The following PHACTR1 variants were observed in gnomAD, a reference collection of about 807,000 sequenced individuals.
PHACTR1 encodes the protein phosphatase and actin regulator 1.
PHACTR1 carries 16 observed loss-of-function variants against 69.2 expected under a neutral mutation model. The ratio of observed to expected loss-of-function variants is 0.23; its 90% CI spans 0.16 to 0.35. The LOEUF (loss-of-function observed/expected upper bound fraction) is 0.35, where lower values mean the gene tolerates loss of function less well. PHACTR1 is among the 10% of genes least tolerant of loss of function. PHACTR1 has a pLI of 1.00. For synonymous variants in PHACTR1, 312 were observed against 284.5 expected (o/e 1.10, Z -0.97); for missense variants, 510 against 734.7 (o/e 0.69, Z 3.54).
chr6:13,233,256 C>T (rs1218115950), intron 10 of PHACTR1, among the ~76,000 whole-genome samples: 2 of 152,190 alleles, frequency 1.3e-5, no homozygotes, highest in African/African-American at 4.8e-5. Context: ...AGACATAAAC[C>T]GTCCATGCCC....
chr6:12,905,086 G>A (rs549166632), intron 4 of PHACTR1, among the ~76,000 whole-genome samples: 1 of 152,220 alleles, frequency 6.6e-6, no homozygotes, highest in South Asian at 2.1e-4. Flanking sequence ...ATCACCTGGG[G>A]AACTTTTGAA....
chr6:13,114,428 C>A (rs192259835), intron 5 of PHACTR1, among the ~76,000 whole-genome samples: 1 of 152,084 alleles, frequency 6.6e-6, no homozygotes, highest in African/African-American at 2.4e-5. Flanking sequence ...TCTGCAGCAT[C>A]GAGTCAACCC....
At chr6:12,947,442 A>C (rs2127549097) in intron 4 of PHACTR1, among the ~76,000 whole-genome samples, 1 of 152,320 alleles carries the variant, frequency 6.6e-6, no homozygotes, top group East Asian at 1.9e-4. Flanking sequence ...ATGAGAAATA[A>C]AGAAGACATG....
At chr6:13,095,334 T>TA (rs2127841504) in intron 5 of PHACTR1, among the ~76,000 whole-genome samples, 1 of 152,356 alleles carries the variant, frequency 6.6e-6, no homozygotes, top group African/African-American at 2.4e-5. Flanking sequence ...CAGAGCATAT[T>TA]ACTTTTCAGG....
At chr6:13,064,686 T>C (rs531580309) in intron 5 of PHACTR1, among the ~76,000 whole-genome samples, 2 of 138,942 alleles carry the variant, frequency 1.4e-5, no homozygotes, top group Non-Finnish European at 3.1e-5. Context: ...GGCTCCAGAG[T>C]CAGCCGCTTG....
intron 5 of PHACTR1, among the ~76,000 whole-genome samples, chr6:13,083,842 T>G (rs1337942167): frequency 1.3e-5 from 2 of 152,156 alleles, no homozygotes; most frequent in African/African-American, 4.8e-5. Flanking sequence ...AAGGAGATTT[T>G]GGGCTGAGAT....
At chr6:13,189,359 C>T (rs1458893496) in intron 7 of PHACTR1, among the ~76,000 whole-genome samples, 1 of 151,974 alleles carries the variant, frequency 6.6e-6, no homozygotes, top group East Asian at 1.9e-4. Context: ...CATTTATAAC[C>T]ATTTGTTTAT....
At chr6:13,126,420 AC>A (rs1286758332) in intron 5 of PHACTR1, among the ~76,000 whole-genome samples, 1 of 152,240 alleles carries the variant, frequency 6.6e-6, no homozygotes, top group African/African-American at 2.4e-5. Flanking sequence ...TTGAAAGTGT[AC>A]TAAATGCTAG....
At chr6:13,232,148 A>G (rs1771320563) in intron 10 of PHACTR1, among the ~76,000 whole-genome samples, 1 of 152,246 alleles carries the variant, frequency 6.6e-6, no homozygotes, top group Non-Finnish European at 1.5e-5. Flanking sequence ...TATTTAAAAC[A>G]GTATCTGGCC....
At chr6:12,979,810 G>A (rs1795299561) in intron 4 of PHACTR1, among the ~76,000 whole-genome samples, 1 of 151,206 alleles carries the variant, frequency 6.6e-6, no homozygotes, top group Non-Finnish European at 1.5e-5. Context: ...AAGCCACTGT[G>A]ATTCTTTCTG....
intron 4 of PHACTR1, among the ~76,000 whole-genome samples, chr6:12,994,742 A>G (rs1484948527): frequency 6.6e-6 from 1 of 152,178 alleles, no homozygotes; most frequent in Non-Finnish European, 1.5e-5. Flanking sequence ...TAAGCATACT[A>G]TTTAGAAACT....
intron 6 of PHACTR1, among the ~76,000 whole-genome samples, chr6:13,169,760 G>A (rs768932276): frequency 6.6e-5 from 10 of 152,192 alleles, no homozygotes; most frequent in Non-Finnish European, 2.9e-5. Flanking sequence ...TCAGTTACCT[G>A]TGAAGCCAGT....
chr6:12,792,474 A>AAAG (rs1772436214), intron 4 of PHACTR1, among the ~76,000 whole-genome samples: 1 of 122,798 alleles, frequency 8.1e-6, no homozygotes, highest in Admixed American at 7.3e-5. Context: ...CAAAAAAAAA[A>AAAG]AAAAAAAAAA....
chr6:12,938,908 T>G (rs559372027), intron 4 of PHACTR1, among the ~76,000 whole-genome samples: 1 of 152,350 alleles, frequency 6.6e-6, no homozygotes, highest in East Asian at 1.9e-4. Flanking sequence ...TTTTAATCAC[T>G]GAGTAGTGTT....
At chr6:13,089,696 A>G (rs1209734028) in intron 5 of PHACTR1, among the ~76,000 whole-genome samples, 1 of 152,206 alleles carries the variant, frequency 6.6e-6, no homozygotes. Flanking sequence ...AGTCCGGATG[A>G]TGCTTCTGGT....
Position 12,844,343 on chromosome 6 carries a change from G to A in PHACTR1, c.250+94553G>A, listed in dbSNP as rs575857804. On this transcript the variant is annotated intron_variant, in intron 4 of 14. Transcript: ENST00000332995. ...GCCCAGGAAGTTGAGACTGCAATGA[G>A]CTGTGATCACACCACCGCACTCCAT... Among the ~76,000 whole-genome samples the A allele has an allele frequency of 2.6e-5, 4 of 152,200 alleles. No individual in the cohort carries two copies. The East Asian group carries it at 5.8e-4, about 22-fold the overall frequency.
chr6:12,957,587 T>C (rs1377546670), intron 4 of PHACTR1: 2 of 985,538 alleles, frequency 2.0e-6, no homozygotes, highest in Admixed American at 6.1e-5. Flanking sequence ...GCTGCCACTT[T>C]AGAGACGTCT....
chr6:13,090,147 T>C (rs1019616941), intron 5 of PHACTR1, among the ~76,000 whole-genome samples: 36 of 152,250 alleles, frequency 2.4e-4, no homozygotes, highest in African/African-American at 8.7e-4. Flanking sequence ...CTCCGCCTCC[T>C]GTGTTCAAGC....
chr6:13,269,647 A>G (rs1261662130), intron 10 of PHACTR1, among the ~76,000 whole-genome samples: 1 of 152,136 alleles, frequency 6.6e-6, no homozygotes, highest in African/African-American at 2.4e-5. Flanking sequence ...CCTGGCCAAC[A>G]TGGTGAAACC....
Sources: gnomAD v4.1 joint callset for allele counts (sites outside exome capture counted in the v4.1 genomes callset) on GRCh38, gnomAD v4.1.1 for gene constraint, MANE v1.5 for transcripts, NCBI Gene and HGNC (gene_info 2026-07-23, HGNC 2026-07-21) for gene names.